The following SNX25 variants were observed in gnomAD, a reference collection of about 807,000 sequenced individuals.
SNX25 encodes sorting nexin 25, also known as sorting nexin-25.
A neutral mutation model predicts 113.7 loss-of-function variants in SNX25; 62 were observed. The ratio of observed to expected loss-of-function variants is 0.55; its 90% CI spans 0.44 to 0.67. SNX25 has a LOEUF of 0.67. Ranked by LOEUF, SNX25 falls within the 30% of genes least tolerant of loss-of-function variation. The probability of loss-of-function intolerance (pLI) is 0.00; values close to 1 mark genes in which losing one functional copy is unlikely to be tolerated. For synonymous variants in SNX25, 421 were observed against 436.2 expected, an observed-to-expected ratio of 0.97 and a Z score of 0.43; for missense variants, 1,014 against 1,161.0, an observed-to-expected ratio of 0.87 and a Z score of 1.84.
intron 2 of SNX25, among the ~76,000 whole-genome samples, chr4:185,250,299 C>T (rs1745460045): frequency 6.6e-6 from 1 of 152,208 alleles, no homozygotes; most frequent in South Asian, 2.1e-4. Flanking sequence ...AACTCTGTCT[C>T]CCTGGTGGAC....
downstream of SNX25, among the ~76,000 whole-genome samples, chr4:185,368,387 C>T (rs2095399575): frequency 6.6e-6 from 1 of 152,150 alleles, no homozygotes; most frequent in South Asian, 2.1e-4. Flanking sequence ...ACTGCCTCAC[C>T]TTCTGCCATA....
In SNX25 at chr4:185,267,090, C is replaced by T; in HGVS notation, c.1026C>T (p.Pro342=). The change falls in exon 5 of 19, where the codon CCC becomes CCT. Residue 342 remains proline, a synonymous_variant. Coordinates refer to ENST00000652585, the MANE Select transcript of SNX25 (RefSeq NM_001378034.2). ...EHHKRAYTYA[P]SYEDFIKLIN... is the part of the protein sequence containing the mutation. The stretch of plus-strand genomic sequence containing the variant: ...ACAAGAGAGCCTACACCTATGCCCC[C>T]TCTTACGAGGACTTCATCAAGCTCA... 1 of 1,613,968 alleles carries T rather than the reference C, an allele frequency of 6.2e-7. No homozygotes were observed. Among genetic ancestry groups the T allele is most frequent in the Non-Finnish European group, 8.5e-7 (1 of 1,179,964 alleles).
intron 1 of SNX25, among the ~76,000 whole-genome samples, chr4:185,245,191 G>A (rs1389154927): frequency 6.6e-6 from 1 of 151,932 alleles, no homozygotes; most frequent in African/African-American, 2.4e-5. Context: ...TTCCAAACCA[G>A]TAAGTAGACC....
At chr4:185,345,224 A>G (rs1000968471) in intron 12 of SNX25, among the ~76,000 whole-genome samples, 1 of 151,966 alleles carries the variant, frequency 6.6e-6, no homozygotes, top group Non-Finnish European at 1.5e-5. Flanking sequence ...GCCCTTTCCT[A>G]CGGTGTGAGT....
chr4:185,341,939 GC>G, intron 11 of SNX25, 36 bp from the exon 12 acceptor site: 1 of 1,555,860 alleles, frequency 6.4e-7, no homozygotes, highest in Non-Finnish European at 8.7e-7. Flanking sequence ...CATTCACCAT[GC>G]TTTTTGTAAG....
intron 16 of SNX25, among the ~76,000 whole-genome samples, chr4:185,359,196 TAAA>T (rs537427490): frequency 8.0e-4 from 121 of 151,876 alleles, no homozygotes; most frequent in African/African-American, 2.8e-3. Flanking sequence ...CTACAGAAAA[TAAA>T]AAAATTAGGT....
Position 185,362,595 on chromosome 4 carries a change from A to G in SNX25, c.2834-16A>G, listed in dbSNP as rs1427017279. 1 of 1,610,604 alleles carries G rather than the reference A, an allele frequency of 6.2e-7. No homozygotes were observed. The highest frequency in any genetic ancestry group is 1.7e-5 in the Admixed American group (1 of 59,968). Reference sequence around the variant, plus strand: ...CTTTATCAATAGCAGCATAGAATCTACACTTAATTTTTCAGATATGCTTCA... The same window carrying G: ...CTTTATCAATAGCAGCATAGAATCTGCACTTAATTTTTCAGATATGCTTCA... On this transcript the variant is annotated splice_polypyrimidine_tract_variant and intron_variant, in intron 17 of 18. Coordinates refer to ENST00000652585, the MANE Select transcript of SNX25 (RefSeq NM_001378034.2).
rs983521368 is a variant in SNX25, at chr4:185,335,359, A to C, written c.1914+2600A>C. Among the ~76,000 whole-genome samples, 41 of 144,770 alleles carry C rather than the reference A, an allele frequency of 2.8e-4. No individual in the cohort carries two copies. In the East Asian group the frequency reaches 4.4e-3, roughly 16 times the overall value. 95.0% of individuals were successfully genotyped at this position (144,770 alleles called of 152,430 possible). Reference sequence around the variant, plus strand: ...ACACACACACACACACACACACACAACAAAAACAAAAAACCTTAAGATTGA... The same window carrying C: ...ACACACACACACACACACACACACACCAAAAACAAAAAACCTTAAGATTGA... On this transcript the variant is annotated intron_variant, in intron 10 of 18. Coordinates refer to ENST00000652585, the MANE Select transcript of SNX25 (RefSeq NM_001378034.2).
At chr4:185,220,354 C>T (rs958772386) in intron 1 of SNX25, among the ~76,000 whole-genome samples, 2 of 151,950 alleles carry the variant, frequency 1.3e-5, no homozygotes, top group African/African-American at 4.8e-5. Context: ...CATATGTATA[C>T]ATGTGCCATG....
chr4:185,282,607 G>A (rs1750772225), intron 5 of SNX25, among the ~76,000 whole-genome samples: 1 of 152,202 alleles, frequency 6.6e-6, no homozygotes, highest in South Asian at 2.1e-4. Flanking sequence ...AGAGAGATGA[G>A]GTGGCCACTC....
intron 1 of SNX25, among the ~76,000 whole-genome samples, chr4:185,226,347 TAAC>T (rs1740995115): frequency 6.6e-6 from 1 of 152,224 alleles, no homozygotes; most frequent in Admixed American, 6.5e-5. Flanking sequence ...TGTGATTCAT[TAAC>T]ACTTAGTTCT....
chr4:185,265,680 A>G (rs1327213473), intron 4 of SNX25, among the ~76,000 whole-genome samples: 1 of 152,134 alleles, frequency 6.6e-6, no homozygotes, highest in African/African-American at 2.4e-5. Flanking sequence ...TTTTTACTTT[A>G]TGAACTTTTA....
At chr4:185,307,974 G>T (rs556072649) in intron 6 of SNX25, among the ~76,000 whole-genome samples, 1 of 152,228 alleles carries the variant, frequency 6.6e-6, no homozygotes, top group East Asian at 1.9e-4. Context: ...GCCCAGGCTG[G>T]TCTCAAGCAC....
chr4:185,222,020 ATCCCTCGT>A (rs1739963299), intron 1 of SNX25, among the ~76,000 whole-genome samples: 1 of 142,694 alleles, frequency 7.0e-6, no homozygotes, highest in Non-Finnish European at 1.5e-5. Context: ...AGCACCATAT[ATCCCTCGT>A]TCACTGTAGG....
chr4:185,297,232 TC>T (rs780903411), intron 6 of SNX25, among the ~76,000 whole-genome samples: 10 of 152,174 alleles, frequency 6.6e-5, no homozygotes, highest in Non-Finnish European at 1.3e-4. Flanking sequence ...CAAATTCAGT[TC>T]CCCAGTTACA....
At chr4:185,307,743 C>T (rs1754663548) in intron 6 of SNX25, among the ~76,000 whole-genome samples, 1 of 152,180 alleles carries the variant, frequency 6.6e-6, no homozygotes, top group Non-Finnish European at 1.5e-5. Context: ...CTTCTGGATT[C>T]CATTCCTTGT....
intron 1 of SNX25, among the ~76,000 whole-genome samples, chr4:185,212,491 G>GTTTCTGTTTTTTTTTTT (rs1553980597): frequency 2.9e-5 from 3 of 104,944 alleles, no homozygotes; most frequent in African/African-American, 1.1e-4. Flanking sequence ...GTGTGTGTGT[G>GTTTCTGTTTTTTTTTTT]TTTTTTTTTT....
At chr4:185,372,844 AAAGACATTCACCTTT>A, downstream of SNX25, 1 of 1,585,336 alleles carries the variant, frequency 6.3e-7, no homozygotes, top group South Asian at 1.1e-5. Flanking sequence ...CAGAACAGAC[AAAGACATTCACCTTT>A]TGGAAAATGC....
At chr4:185,242,743 C>CA (rs951449465) in intron 1 of SNX25, among the ~76,000 whole-genome samples, 2 of 152,102 alleles carry the variant, frequency 1.3e-5, no homozygotes, top group African/African-American at 4.8e-5. Flanking sequence ...GACCCACAGT[C>CA]AGAGAGGCAG....
Sources: gnomAD v4.1 joint callset for allele counts (sites outside exome capture counted in the v4.1 genomes callset) on GRCh38, gnomAD v4.1.1 for gene constraint, MANE v1.5 for transcripts, NCBI Gene and HGNC (gene_info 2026-07-23, HGNC 2026-07-21) for gene names.